The following PTPRD variants were observed in gnomAD, a reference collection of about 807,000 sequenced individuals.
PTPRD encodes the protein protein tyrosine phosphatase receptor type D, also known as receptor-type tyrosine-protein phosphatase delta.
Under a neutral mutation model 214.5 loss-of-function variants are expected in PTPRD, and 34 were observed. The observed-to-expected ratio is 0.16, with a 90% CI of 0.12 to 0.21. The LOEUF is 0.21. Ranked by LOEUF, PTPRD falls within the 10% of genes least tolerant of loss-of-function variation. PTPRD has a pLI of 1.00. For missense variants in PTPRD, 2,545 were observed against 2,398.7 expected (o/e 1.06, Z -1.27); for synonymous variants, 1,128 against 845.7 (o/e 1.33, Z -5.79).
intron 4 of PTPRD, among the ~76,000 whole-genome samples, chr9:10,018,617 G>A (rs898011376): frequency 1.5e-4 from 19 of 129,338 alleles, no homozygotes; most frequent in Non-Finnish European, 2.2e-4. Context: ...GCGGGATCTC[G>A]GCTCACTGCA....
intron 35 of PTPRD, among the ~76,000 whole-genome samples, chr9:8,423,172 C>G (rs902555809): frequency 6.6e-6 from 1 of 152,134 alleles, no homozygotes; most frequent in Non-Finnish European, 1.5e-5. Context: ...GAGAAAGAAT[C>G]TAAAAAGATC....
At chr9:10,503,512 G>T (rs1157352658) in intron 2 of PTPRD, among the ~76,000 whole-genome samples, 1 of 152,036 alleles carries the variant, frequency 6.6e-6, no homozygotes, top group Non-Finnish European at 1.5e-5. Context: ...AATTGGAGAA[G>T]AGAGGGGCAG....
chr9:10,126,860 C>T (rs1003108482), intron 3 of PTPRD, among the ~76,000 whole-genome samples: 1 of 151,740 alleles, frequency 6.6e-6, no homozygotes, highest in African/African-American at 2.4e-5. Context: ...TGCTTTTCTC[C>T]TGGCAGTCTA....
chr9:9,211,557 AC>A lies in PTPRD; in HGVS notation c.-202-28195del, dbSNP rs1444079710. Among the ~76,000 whole-genome samples the A allele has an allele frequency of 1.3e-3, 183 of 143,180 alleles. 1 individual carries two copies. Among genetic ancestry groups the A allele is most frequent in the African/African-American group, 4.7e-3 (178 of 37,918 alleles). 93.9% of individuals were successfully genotyped at this position (143,180 alleles called of 152,430 possible). ...CACACACACACACACACACACACAC[AC>A]AAGAGCTAAGGTTTCTTCTCAATGA... On this transcript the variant is annotated intron_variant, in intron 9 of 45. Coordinates refer to ENST00000381196, the MANE Select transcript of PTPRD (RefSeq NM_002839.4).
At position 8,486,027 on chromosome 9, in the gene PTPRD, G is replaced by A. The variant is rs1156504876; in HGVS notation, c.2790C>T (p.Thr930=). The A allele has an allele frequency of 6.2e-7, 1 of 1,614,114 alleles. No homozygotes were observed. Among genetic ancestry groups the A allele is most frequent in the Admixed American group, 1.7e-5 (1 of 60,016 alleles). The stretch of plus-strand genomic sequence containing the variant: ...AAGATAACTGGACGGAGGTTGAAGT[G>A]GTGCCTTCTGAGTGAAGGTTTTGAG... ...GFPQNLHSEG[T]TSTSVQLSWQ... Residue 930 remains threonine, a synonymous_variant, in exon 28 of 46, where the codon ACC becomes ACT. Coordinates refer to ENST00000381196, the MANE Select transcript of PTPRD (RefSeq NM_002839.4).
intron 9 of PTPRD, among the ~76,000 whole-genome samples, chr9:9,357,839 T>C (rs956898223): frequency 1.3e-5 from 2 of 148,424 alleles, no homozygotes; most frequent in African/African-American, 5.1e-5. Context: ...TGATTGGACT[T>C]GAGTCTTTAT....
chr9:9,079,301 A>C (rs2099755679), intron 10 of PTPRD, among the ~76,000 whole-genome samples: 1 of 152,056 alleles, frequency 6.6e-6, no homozygotes, highest in Non-Finnish European at 1.5e-5. Flanking sequence ...GTGAGAGCAC[A>C]CAGCATTTAA....
Position 8,424,532 on chromosome 9 carries a change from CAT to C in PTPRD, c.4086+12058_4086+12059del, listed in dbSNP as rs555259303. Among the ~76,000 whole-genome samples, 133 of 152,282 alleles carry C rather than the reference CAT, an allele frequency of 8.7e-4. 1 individual carries two copies. The highest frequency in any genetic ancestry group is 8.0e-3 in the Admixed American group (122 of 15,282). ...TCTGGCACATGGTAAGTGCTATACACATGTTTGCTATCACCATCATCCTTGTA... is the reference window on the plus strand; with the variant it reads ...TCTGGCACATGGTAAGTGCTATACACGTTTGCTATCACCATCATCCTTGTA... On this transcript the variant is annotated intron_variant, in intron 35 of 45. Coordinates refer to ENST00000381196, the MANE Select transcript of PTPRD (RefSeq NM_002839.4).
chr9:9,734,628 AAT>A (rs1433117591), intron 6 of PTPRD, 57 bp from the exon 7 acceptor site: 6 of 152,114 alleles, frequency 3.9e-5, no homozygotes, highest in Non-Finnish European at 1.5e-5. Context: ...TTTCAGAAAA[AAT>A]AGACAATAAA....
chr9:9,007,830 T>A (rs943327922), intron 11 of PTPRD, among the ~76,000 whole-genome samples: 1 of 149,578 alleles, frequency 6.7e-6, no homozygotes. Flanking sequence ...AATATATAAT[T>A]TTTATTTGTC....
At chr9:8,887,188 G>A (rs891517568) in intron 11 of PTPRD, among the ~76,000 whole-genome samples, 1 of 152,078 alleles carries the variant, frequency 6.6e-6, no homozygotes, top group African/African-American at 2.4e-5. Flanking sequence ...ACTCCATAAC[G>A]CATGCTATTA....
chr9:8,918,649 T>C (rs909136521), intron 11 of PTPRD, among the ~76,000 whole-genome samples: 2 of 152,172 alleles, frequency 1.3e-5, no homozygotes, highest in Admixed American at 6.5e-5. Context: ...CACACTTTCC[T>C]TCTCTGGATG....
chr9:8,991,588 A>G (rs976201336), intron 11 of PTPRD, among the ~76,000 whole-genome samples: 3 of 152,156 alleles, frequency 2.0e-5, no homozygotes, highest in Non-Finnish European at 2.9e-5. Context: ...TGAAAAACAC[A>G]GGTAAATAGA....
At chr9:8,590,336 A>C (rs1341272457) in intron 14 of PTPRD, among the ~76,000 whole-genome samples, 1 of 152,152 alleles carries the variant, frequency 6.6e-6, no homozygotes, top group Non-Finnish European at 1.5e-5. Flanking sequence ...GAACTAAGTT[A>C]ATTACGTCTT....
rs550296506 is a variant in PTPRD at position 9,446,531 on chromosome 9, CTATT to C, written c.-236-49053_-236-49050del. 1.1e-3 allele frequency among the ~76,000 whole-genome samples: 166 copies of C among 152,264 alleles called. 1 individual carries two copies. The highest frequency in any genetic ancestry group is 3.8e-3 in the African/African-American group (156 of 41,556). On this transcript the variant is annotated intron_variant, in intron 8 of 45. Coordinates refer to ENST00000381196, the MANE Select transcript of PTPRD (RefSeq NM_002839.4). ...CAAATCATTCCACACAACTGGAACT[CTATT>C]TCTTTATTCAATTCACTGTCTCTTC...
At chr9:10,139,339 A>G (rs1423497233) in intron 3 of PTPRD, among the ~76,000 whole-genome samples, 2 of 152,088 alleles carry the variant, frequency 1.3e-5, no homozygotes, top group African/African-American at 2.4e-5. Flanking sequence ...AAAAAACTCT[A>G]CAAGTAGAAT....
intron 8 of PTPRD, among the ~76,000 whole-genome samples, chr9:9,446,375 C>T (rs889003388): frequency 1.3e-5 from 2 of 152,120 alleles, no homozygotes; most frequent in Admixed American, 6.6e-5. Context: ...GACCCATCTA[C>T]TTAATATACC....
At chr9:10,516,279 G>C (rs565207635) in intron 2 of PTPRD, among the ~76,000 whole-genome samples, 1 of 151,734 alleles carries the variant, frequency 6.6e-6, no homozygotes, top group East Asian at 1.9e-4. Flanking sequence ...ACTGGCATGA[G>C]GTGATATCTC....
Position 10,051,462 on chromosome 9 carries a change from T to C in PTPRD, c.-544-17672A>G, listed in dbSNP as rs529560223. 1.2e-3 allele frequency among the ~76,000 whole-genome samples: 177 copies of C among 152,200 alleles called. 1 individual carries two copies. Among genetic ancestry groups the C allele is most frequent in the African/African-American group, 3.9e-3 (160 of 41,540 alleles). ...TTTCAGTTTTTTTACATTTTATTATTATTATACTTTAAGTTTTAGGGTTCA... is the reference window on the plus strand; with the variant it reads ...TTTCAGTTTTTTTACATTTTATTATCATTATACTTTAAGTTTTAGGGTTCA... On this transcript the variant is annotated intron_variant, in intron 3 of 45. Transcript: ENST00000381196.
Sources: gnomAD v4.1 joint callset for allele counts (sites outside exome capture counted in the v4.1 genomes callset) on GRCh38, gnomAD v4.1.1 for gene constraint, MANE v1.5 for transcripts, NCBI Gene and HGNC (gene_info 2026-07-23, HGNC 2026-07-21) for gene names.